Variants in ZMIZ1 observed in about 807,000 individuals in gnomAD.
ZMIZ1 encodes the protein zinc finger MIZ-type containing 1, also known as zinc finger MIZ domain-containing protein 1.
Under a neutral mutation model 113.9 loss-of-function variants are expected in ZMIZ1, and 17 were observed. That is an observed-to-expected ratio of 0.15 (90% CI 0.10 to 0.22). The LOEUF is 0.22. ZMIZ1 is among the 10% of genes least tolerant of loss of function. The pLI is 1.00. For synonymous variants in ZMIZ1, 607 were observed against 603.1 expected, an observed-to-expected ratio of 1.01 and a Z score of -0.09; for missense variants, 1,059 against 1,477.8, an observed-to-expected ratio of 0.72 and a Z score of 4.65.
rs144947193 is a variant in ZMIZ1 at position 79,301,466 on chromosome 10, C to G, written c.2019+524C>G. On this transcript the variant is annotated intron_variant, in intron 17 of 24. Coordinates refer to ENST00000334512, the MANE Select transcript of ZMIZ1 (RefSeq NM_020338.4). ...TACCTAGGACCAGCTCTCAGCCACC[C>G]TCATGTCCCCTGAAGATCAGGGCCC... is the stretch of plus-strand genomic sequence containing the variant. 1.1e-3 allele frequency among the ~76,000 whole-genome samples: 165 copies of G among 152,188 alleles called. 1 individual carries two copies. The highest frequency in any genetic ancestry group is 2.0e-3 in the Non-Finnish European group (137 of 68,014).
intron 7 of ZMIZ1, among the ~76,000 whole-genome samples, chr10:79,270,115 G>A (rs1326423467): frequency 5.9e-5 from 9 of 152,210 alleles, no homozygotes; most frequent in Non-Finnish European, 2.9e-5. Context: ...CCCCTGGGGA[G>A]GGCACGCCTG....
chr10:79,285,557 CTG>C, intron 8 of ZMIZ1: 1 of 456,132 alleles, frequency 2.2e-6, no homozygotes, highest in Non-Finnish European at 4.4e-6. Flanking sequence ...CACAGACACA[CTG>C]TGTAGGTGGT....
chr10:79,309,128 G>A (rs924290151), intron 23 of ZMIZ1, among the ~76,000 whole-genome samples: 1 of 152,208 alleles, frequency 6.6e-6, no homozygotes, highest in Admixed American at 6.5e-5. Context: ...TGAGCCCAAG[G>A]CTGGGAGGCA....
intron 4 of ZMIZ1, among the ~76,000 whole-genome samples, chr10:79,199,290 G>A (rs553979573): frequency 1.8e-4 from 27 of 152,228 alleles, no homozygotes; most frequent in East Asian, 5.8e-4. Flanking sequence ...GGGGAATCAC[G>A]AGATCAGGAG....
intron 2 of ZMIZ1, among the ~76,000 whole-genome samples, chr10:79,132,029 T>C (rs1184477543): frequency 1.3e-5 from 2 of 152,216 alleles, no homozygotes; most frequent in East Asian, 1.9e-4. Context: ...TTGAGAGCTG[T>C]CTGCACTGGG....
rs559577195 is a variant in ZMIZ1, at chr10:79,292,166, G to A, written c.767G>A (p.Gly256Glu). ...CCCTTCTCCCCCTGCAGTTACCCTG[G>A]GGGTCCTAACGCCCCCGCAGGCATG... The part of the protein sequence containing the change: ...GSGGFGASYP[G>E]GPNAPAGMGI... The change falls in exon 11 of 25, where the codon GGG becomes GAG. Residue 256 changes from glycine to glutamate, a missense_variant. By Grantham distance (98) the Gly-to-Glu change is moderately conservative (BLOSUM62 -2). Transcript: ENST00000334512. 1 of 1,608,462 alleles carries A rather than the reference G, an allele frequency of 6.2e-7. No homozygotes were observed. Among genetic ancestry groups the A allele is most frequent in the Non-Finnish European group, 8.5e-7 (1 of 1,177,184 alleles).
In ZMIZ1 at chr10:79,263,966, G is replaced by T. The variant is rs143502780; in HGVS notation, c.281-13215G>T. On this transcript the variant is annotated intron_variant, in intron 7 of 24. Coordinates refer to ENST00000334512, the MANE Select transcript of ZMIZ1 (RefSeq NM_020338.4). ...GGACCTCCTCAGAAAAGTAAATTAT[G>T]CAGGGAAGAAATTGATTCACATAAC... is the stretch of plus-strand genomic sequence containing the variant. Among the ~76,000 whole-genome samples the T allele has an allele frequency of 7.4e-4, 113 of 152,298 alleles. 1 individual carries two copies. The highest frequency in any genetic ancestry group is 6.8e-3 in the Middle Eastern group (2 of 294).
rs1003565916 is a variant in ZMIZ1 at position 79,069,286 on chromosome 10, G to C, written c.-337+16G>C. 9 of 150,604 alleles carry C rather than the reference G, an allele frequency of 6.0e-5. No homozygotes were observed. The highest frequency in any genetic ancestry group is 2.2e-4 in the African/African-American group (9 of 41,260). The allele number at this position is 150,604 out of a possible 1,614,324, so 9.3% of individuals were successfully genotyped here. On this transcript the variant is annotated intron_variant, in intron 1 of 24. Transcript: ENST00000334512. This position sits in a 1 kb window ranked among gnomAD's most constrained non-coding sequence, Gnocchi z 4.6. ...GCAGCGCCCGGTAAGTTTGGGGCCA[G>C]AGCCAGGCGCCCGCTGGCTCCGGGG...
chr10:79,304,725 C>G (rs139578033), intron 19 of ZMIZ1, among the ~76,000 whole-genome samples: 1 of 152,356 alleles, frequency 6.6e-6, no homozygotes, highest in Non-Finnish European at 1.5e-5. Flanking sequence ...GCTTCCCCTC[C>G]TCCCTCCCAA....
intron 1 of ZMIZ1, among the ~76,000 whole-genome samples, chr10:79,074,035 A>G (rs989281630): frequency 6.6e-6 from 1 of 152,234 alleles, no homozygotes; most frequent in African/African-American, 2.4e-5. Context: ...GCGTGATGAC[A>G]GTAATAACCA....
intron 7 of ZMIZ1, among the ~76,000 whole-genome samples, chr10:79,229,446 G>A (rs1030554875): frequency 6.6e-6 from 1 of 152,192 alleles, no homozygotes; most frequent in Non-Finnish European, 1.5e-5. Flanking sequence ...GGCTGGCCAG[G>A]TGAGAAACAC....
At chr10:79,164,828 A>G (rs973021628) in intron 4 of ZMIZ1, among the ~76,000 whole-genome samples, 14 of 152,244 alleles carry the variant, frequency 9.2e-5, no homozygotes, top group Non-Finnish European at 1.3e-4. Flanking sequence ...TGAGTCTGGG[A>G]GAGAGCATGA....
intron 2 of ZMIZ1, among the ~76,000 whole-genome samples, chr10:79,119,861 C>T (rs1025547003): frequency 6.6e-6 from 1 of 152,164 alleles, no homozygotes; most frequent in African/African-American, 2.4e-5. Context: ...GGCTTTCTTT[C>T]CCTCCGCCCC....
chr10:79,291,096 G>T lies in ZMIZ1; in HGVS notation c.678G>T (p.Lys226Asn). The T allele has an allele frequency of 6.2e-7, 1 of 1,614,238 alleles. No individual in the cohort carries two copies. Among genetic ancestry groups the T allele is most frequent in the Non-Finnish European group, 8.5e-7 (1 of 1,180,044 alleles). The change falls in exon 10 of 25, where the codon AAG becomes AAT. Residue 226 changes from lysine (K) to asparagine (N), a missense_variant. Lys to Asn is a moderately conservative substitution (Grantham distance 94, BLOSUM62 0). Coordinates refer to ENST00000334512, the MANE Select transcript of ZMIZ1 (RefSeq NM_020338.4). The stretch of plus-strand genomic sequence containing the variant: ...GGCAGCAGCAGCAGTTCTCAGCCAA[G>T]GCTGGCCCCGCTCAGCCCTACATCC... ...FAGQQQQFSAKAGPAQPYIQQ... is the reference protein window; with the variant it reads ...FAGQQQQFSANAGPAQPYIQQ...
At chr10:79,227,545 T>C (rs1849242237) in intron 7 of ZMIZ1, among the ~76,000 whole-genome samples, 1 of 152,152 alleles carries the variant, frequency 6.6e-6, no homozygotes. Flanking sequence ...CAAAAGGGGA[T>C]TATAATAATG....
chr10:79,155,530 G>A (rs998869848), intron 3 of ZMIZ1, among the ~76,000 whole-genome samples: 4 of 152,238 alleles, frequency 2.6e-5, no homozygotes, highest in Admixed American at 6.5e-5. Flanking sequence ...GGCAGGGGCC[G>A]GAGGCCAGAC....
chr10:79,254,295 GGGTACTGGGGAT>G (rs1850738959), intron 7 of ZMIZ1, among the ~76,000 whole-genome samples: 1 of 152,246 alleles, frequency 6.6e-6, no homozygotes, highest in African/African-American at 2.4e-5. Flanking sequence ...TGGACCTGCA[GGGTACTGGGGAT>G]GGTCCTCTCT....
chr10:79,305,389 C>A, intron 20 of ZMIZ1, 144 bp from the exon 21 acceptor site: 1 of 1,209,440 alleles, frequency 8.3e-7, no homozygotes, highest in Non-Finnish European at 1.2e-6. Context: ...CCCTTGGTAT[C>A]ACGCGGTCAG....
At chr10:79,074,796 G>A (rs1255768725) in intron 1 of ZMIZ1, among the ~76,000 whole-genome samples, 2 of 152,238 alleles carry the variant, frequency 1.3e-5, no homozygotes, top group Non-Finnish European at 2.9e-5. Context: ...AGCTAGTGGG[G>A]TTCAGGCCAG....
Sources: allele counts gnomAD v4.1 joint callset (sites outside exome capture counted in the v4.1 genomes callset), GRCh38; gene constraint gnomAD v4.1.1; non-coding constraint Gnocchi (gnomAD v3.1); transcripts MANE v1.5; gene names NCBI Gene and HGNC (gene_info 2026-07-23, HGNC 2026-07-21).